The following NELL1 variants were observed in gnomAD, a reference collection of about 807,000 sequenced individuals.
NELL1 encodes neural EGFL like 1.
NELL1 carries 76 observed loss-of-function variants against 107.4 expected under a neutral mutation model. The ratio of observed to expected loss-of-function variants is 0.71; its 90% CI spans 0.59 to 0.86. NELL1 has a LOEUF of 0.86. Ranked by LOEUF, NELL1 falls within the 40% of genes least tolerant of loss-of-function variation. The pLI is 0.00. For synonymous variants in NELL1, 353 were observed against 341.2 expected, an observed-to-expected ratio of 1.03 and a Z score of -0.38; for missense variants, 1,024 against 1,005.5, an observed-to-expected ratio of 1.02 and a Z score of -0.25.
At chr11:21,363,054 C>T (rs1851121803) in intron 14 of NELL1, among the ~76,000 whole-genome samples, 1 of 152,078 alleles carries the variant, frequency 6.6e-6, no homozygotes, top group South Asian at 2.1e-4. Context: ...AGGCCATGAG[C>T]TACTCTTCTG....
intron 11 of NELL1, among the ~76,000 whole-genome samples, chr11:20,949,852 G>A (rs1309057673): frequency 7.2e-5 from 11 of 152,150 alleles, no homozygotes; most frequent in African/African-American, 1.7e-4. Context: ...TCTTAGGCAG[G>A]GCCCGTCTAT....
chr11:20,863,368 C>T (rs113904950), intron 4 of NELL1, among the ~76,000 whole-genome samples: 25 of 41,836 alleles, frequency 6.0e-4, no homozygotes, highest in South Asian at 2.0e-3. Flanking sequence ...GCGGGGGCTG[C>T]CCCCCACCTC....
intron 3 of NELL1, among the ~76,000 whole-genome samples, chr11:20,811,588 T>C (rs960316252): frequency 1.3e-5 from 2 of 152,120 alleles, no homozygotes; most frequent in African/African-American, 4.8e-5. Flanking sequence ...TGTCCTTCCA[T>C]TTTTTTGTGT....
intron 3 of NELL1, among the ~76,000 whole-genome samples, chr11:20,819,080 A>T (rs1008320939): frequency 3.3e-5 from 5 of 152,126 alleles, no homozygotes; most frequent in Non-Finnish European, 5.9e-5. Flanking sequence ...TAAACAGTAT[A>T]TTTTACTGGC....
At chr11:21,210,255 A>G (rs1016892546) in intron 13 of NELL1, among the ~76,000 whole-genome samples, 8 of 152,130 alleles carry the variant, frequency 5.3e-5, no homozygotes, top group African/African-American at 7.2e-5. Flanking sequence ...TATACCTACA[A>G]GTGGAATTGC....
At chr11:20,704,019 T>A (rs1379863512) in intron 2 of NELL1, among the ~76,000 whole-genome samples, 1 of 152,186 alleles carries the variant, frequency 6.6e-6, no homozygotes, top group African/African-American at 2.4e-5. Context: ...GTCTATTAGG[T>A]CCGCTTGGTG....
chr11:21,172,343 C>T (rs1374418689), intron 13 of NELL1, among the ~76,000 whole-genome samples: 2 of 151,842 alleles, frequency 1.3e-5, no homozygotes, highest in Non-Finnish European at 2.9e-5. Flanking sequence ...TTTCTGGCTT[C>T]GTGTATCAGC....
chr11:20,730,122 G>A (rs565681716), intron 2 of NELL1, among the ~76,000 whole-genome samples: 1 of 152,002 alleles, frequency 6.6e-6, no homozygotes, highest in East Asian at 1.9e-4. Flanking sequence ...AAGGTACCAT[G>A]TAGGAACTGT....
At chr11:21,068,802 A>G (rs2134375135) in intron 12 of NELL1, among the ~76,000 whole-genome samples, 1 of 152,298 alleles carries the variant, frequency 6.6e-6, no homozygotes, top group South Asian at 2.1e-4. Context: ...ATTGAGCAGA[A>G]CTACCTTTTG....
chr11:20,693,877 G>T (rs1189190443), intron 2 of NELL1, among the ~76,000 whole-genome samples: 2 of 152,202 alleles, frequency 1.3e-5, no homozygotes, highest in African/African-American at 4.8e-5. Flanking sequence ...ATCCTGCAGA[G>T]TGTTTTCCAA....
intron 15 of NELL1, among the ~76,000 whole-genome samples, chr11:21,519,261 C>CATT (rs973233853): frequency 6.6e-6 from 1 of 152,134 alleles, no homozygotes; most frequent in African/African-American, 2.4e-5. Context: ...ATGAAAATTC[C>CATT]ATTATTATTA....
chr11:21,354,095 A>G (rs1417910679), intron 14 of NELL1, among the ~76,000 whole-genome samples: 1 of 152,208 alleles, frequency 6.6e-6, no homozygotes, highest in Non-Finnish European at 1.5e-5. Context: ...GTCAAAAAGA[A>G]GATAAGTCTT....
At chr11:20,976,287 A>C (rs1851633971) in intron 12 of NELL1, among the ~76,000 whole-genome samples, 1 of 151,842 alleles carries the variant, frequency 6.6e-6, no homozygotes, top group African/African-American at 2.4e-5. Context: ...ATTTGTAATA[A>C]ATTTCAGTAT....
At chr11:21,260,955 T>C (rs1220835310) in intron 14 of NELL1, among the ~76,000 whole-genome samples, 1 of 151,784 alleles carries the variant, frequency 6.6e-6, no homozygotes, top group Non-Finnish European at 1.5e-5. Context: ...TGGAGGGAGG[T>C]TAGAATATTA....
intron 12 of NELL1, among the ~76,000 whole-genome samples, chr11:21,020,867 C>T (rs1479342960): frequency 6.6e-6 from 1 of 151,932 alleles, no homozygotes; most frequent in Non-Finnish European, 1.5e-5. Context: ...ATCTTAAGAG[C>T]TCATGCAGCT....
At chr11:20,749,592 C>A (rs561793061) in intron 2 of NELL1, among the ~76,000 whole-genome samples, 5 of 152,088 alleles carry the variant, frequency 3.3e-5, no homozygotes, top group South Asian at 2.1e-4. Flanking sequence ...CAGAGAAAGA[C>A]CCTTTCTCAA....
At position 21,364,910 on chromosome 11, in the gene NELL1, A is replaced by T. The variant is rs892373944; in HGVS notation, c.1550-5943A>T. Among the ~76,000 whole-genome samples the T allele has an allele frequency of 5.3e-5, 8 of 152,282 alleles. No individual in the cohort carries two copies. In the South Asian group the frequency reaches 1.7e-3, roughly 32 times the overall value. ...ATTCTTTTTAAATATTCAGCCTCTC[A>T]CCTCAGTGTGAGTTATAAACACCTT... On this transcript the variant is annotated intron_variant, in intron 14 of 19. Coordinates refer to ENST00000357134, the MANE Select transcript of NELL1 (RefSeq NM_006157.5).
chr11:21,416,950 TAA>T (rs1157414803), intron 15 of NELL1, among the ~76,000 whole-genome samples: 1 of 152,088 alleles, frequency 6.6e-6, no homozygotes, highest in Non-Finnish European at 1.5e-5. Context: ...CTCACAAATA[TAA>T]GTTTATTTTT....
intron 13 of NELL1, among the ~76,000 whole-genome samples, chr11:21,121,731 C>T (rs996355104): frequency 3.1e-4 from 47 of 152,058 alleles, no homozygotes; most frequent in African/African-American, 1.1e-3. Flanking sequence ...ACTTTTGTGA[C>T]TGGACTTCTC....
Sources: allele counts gnomAD v4.1 joint callset (sites outside exome capture counted in the v4.1 genomes callset), GRCh38; gene constraint gnomAD v4.1.1; transcripts MANE v1.5; gene names NCBI Gene and HGNC (gene_info 2026-07-23, HGNC 2026-07-21).